SLC6A6: variants seen among roughly 807,000 people sequenced by gnomAD.
The protein encoded by SLC6A6 is solute carrier family 6 member 6.
A neutral mutation model predicts 68.8 loss-of-function variants in SLC6A6; 16 were observed. The ratio of observed to expected loss-of-function variants is 0.23; its 90% CI spans 0.16 to 0.35. The LOEUF (loss-of-function observed/expected upper bound fraction) is 0.35. Among genes scored for constraint, SLC6A6 ranks in the 10% least tolerant of loss-of-function variants. SLC6A6 has a pLI of 1.00. For synonymous variants in SLC6A6, 312 were observed against 315.4 expected, an observed-to-expected ratio of 0.99 and a Z score of 0.12; for missense variants, 474 against 802.8, an observed-to-expected ratio of 0.59 and a Z score of 4.95.
intron 2 of SLC6A6, among the ~76,000 whole-genome samples, chr3:14,433,674 G>C (rs2880211): frequency 2.5e-5 from 2 of 79,470 alleles, no homozygotes; most frequent in East Asian, 3.5e-4. Flanking sequence ...CGTGGTGGCA[G>C]GCACCTGTAA....
intron 5 of SLC6A6, among the ~76,000 whole-genome samples, chr3:14,452,342 G>A (rs772876992): frequency 2.0e-4 from 30 of 152,246 alleles, no homozygotes; most frequent in Non-Finnish European, 1.0e-4. Context: ...TGGCTTGAGT[G>A]TTTTGGAGCT....
chr3:14,404,792 G>A (rs1699068886), intron 1 of SLC6A6, among the ~76,000 whole-genome samples: 1 of 152,242 alleles, frequency 6.6e-6, no homozygotes, highest in Non-Finnish European at 1.5e-5. Context: ...ATTAGAGGGT[G>A]TCACGAGGTC....
At position 14,485,102 on chromosome 3, in the gene SLC6A6, G is replaced by T; in HGVS notation, c.*95G>T. ...TTTACAGAGCTTTATATTTGCACTA[G>T]GATTTTTTTTTTTTTGTAATTGTCA... On this transcript the variant is annotated 3_prime_UTR_variant, in exon 15 of 15. Transcript: ENST00000622186. The T allele has an allele frequency of 1.8e-6, 2 of 1,101,670 alleles. No individual in the cohort carries two copies. Among genetic ancestry groups the T allele is most frequent in the Non-Finnish European group, 2.5e-6 (2 of 804,996 alleles). 68.2% of individuals were successfully genotyped at this position (1,101,670 alleles called of 1,614,324 possible).
chr3:14,454,720 A>G (rs1700331987), intron 5 of SLC6A6, among the ~76,000 whole-genome samples: 1 of 152,220 alleles, frequency 6.6e-6, no homozygotes, highest in South Asian at 2.1e-4. Context: ...TGCACATTAA[A>G]AACATTGAAA....
intron 6 of SLC6A6, among the ~76,000 whole-genome samples, chr3:14,465,022 T>G (rs533260437): frequency 2.0e-5 from 3 of 152,358 alleles, no homozygotes; most frequent in Admixed American, 1.3e-4. Flanking sequence ...AAGCCTCAGT[T>G]TCTCCACTGT....
At chr3:14,414,499 A>G (rs1699321086) in intron 1 of SLC6A6, among the ~76,000 whole-genome samples, 1 of 151,984 alleles carries the variant, frequency 6.6e-6, no homozygotes, top group South Asian at 2.1e-4. Flanking sequence ...AGCAGGCTAG[A>G]CATATGGACT....
chr3:14,422,896 C>T (rs1169975760), intron 2 of SLC6A6, among the ~76,000 whole-genome samples: 2 of 152,174 alleles, frequency 1.3e-5, no homozygotes, highest in African/African-American at 4.8e-5. Context: ...GTCTCACAGC[C>T]CCTCAAGTCT....
chr3:14,429,716 C>T (rs920949530), intron 2 of SLC6A6, among the ~76,000 whole-genome samples: 2 of 152,156 alleles, frequency 1.3e-5, no homozygotes, highest in Non-Finnish European at 2.9e-5. Context: ...CTGCATGGGC[C>T]CAGGCATCTG....
intron 2 of SLC6A6, among the ~76,000 whole-genome samples, chr3:14,429,203 G>A (rs1699668297): frequency 6.6e-6 from 1 of 152,212 alleles, no homozygotes. Flanking sequence ...ATAAAGGCAT[G>A]TTGGCTCTGT....
In SLC6A6 at chr3:14,468,342, C is replaced by A. The variant is rs963213545; in HGVS notation, c.1096+130C>A. Reference sequence around the variant, plus strand: ...GCCTGGTTTCTAAAATGGACCCCCCCCCCGCCACCAAGATATCCCCCAAAT... The same window carrying A: ...GCCTGGTTTCTAAAATGGACCCCCCACCCGCCACCAAGATATCCCCCAAAT... On this transcript the variant is annotated intron_variant, in intron 9 of 14. Coordinates refer to ENST00000622186, the MANE Select transcript of SLC6A6 (RefSeq NM_003043.6). The surrounding 1 kb of genome is among the most constrained non-coding windows in gnomAD (Gnocchi z 4.5). 4 of 735,532 alleles carry A rather than the reference C, an allele frequency of 5.4e-6. No homozygotes were observed. The highest frequency in any genetic ancestry group is 8.4e-6 in the Non-Finnish European group (4 of 477,818). The allele number at this position is 735,532 out of a possible 1,614,324, so 45.6% of individuals were successfully genotyped here.
At chr3:14,435,482 A>T (rs538653018) in intron 2 of SLC6A6, among the ~76,000 whole-genome samples, 1 of 152,172 alleles carries the variant, frequency 6.6e-6, no homozygotes, top group South Asian at 2.1e-4. Context: ...GCATGCTGAA[A>T]CGATTTCCTC....
chr3:14,478,364 C>G (rs1285573798), intron 11 of SLC6A6, 102 bp from the exon 12 acceptor site: 6 of 719,106 alleles, frequency 8.3e-6, no homozygotes, highest in East Asian at 2.5e-5. Flanking sequence ...CCATTTTTCT[C>G]TTGGGTTTTT....
intron 1 of SLC6A6, among the ~76,000 whole-genome samples, chr3:14,408,946 A>G (rs1439322927): frequency 1.3e-5 from 2 of 152,072 alleles, no homozygotes; most frequent in East Asian, 1.9e-4. Context: ...AGCTGGGACT[A>G]CAGGCACCCG....
intron 6 of SLC6A6, among the ~76,000 whole-genome samples, chr3:14,459,846 G>C (rs1000084450): frequency 1.3e-5 from 2 of 150,526 alleles, no homozygotes; most frequent in African/African-American, 4.9e-5. Context: ...CTGGCACAAT[G>C]CTTGGCACAG....
chr3:14,474,195 C>A (rs1700819082), intron 10 of SLC6A6, among the ~76,000 whole-genome samples: 1 of 152,232 alleles, frequency 6.6e-6, no homozygotes. Context: ...ACAGGTGGGG[C>A]TTCCTCCTTT....
intron 1 of SLC6A6, chr3:14,411,444 AC>A (rs1559283099): frequency 1.3e-5 from 2 of 152,298 alleles, no homozygotes; most frequent in African/African-American, 4.8e-5. Flanking sequence ...GAGCCTCTTA[AC>A]AGTGCCTGGC....
At chr3:14,449,482 G>T (rs868422674) in intron 5 of SLC6A6, among the ~76,000 whole-genome samples, 1 of 152,148 alleles carries the variant, frequency 6.6e-6, no homozygotes, top group African/African-American at 2.4e-5. Context: ...CCTGAAAACC[G>T]GGCCTTCCCC....
intron 12 of SLC6A6, chr3:14,478,811 TC>T: frequency 1.7e-6 from 1 of 592,726 alleles, no homozygotes; most frequent in Non-Finnish European, 3.0e-6. Flanking sequence ...CCTGGAATAC[TC>T]CTTTTTTATC....
intron 2 of SLC6A6, among the ~76,000 whole-genome samples, chr3:14,425,879 C>A (rs143564822): frequency 5.3e-5 from 8 of 152,290 alleles, no homozygotes; most frequent in Middle Eastern, 3.4e-3. Flanking sequence ...AACATTTCTT[C>A]CCTAGCCTGC....
Sources: allele counts gnomAD v4.1 joint callset (sites outside exome capture counted in the v4.1 genomes callset), GRCh38; gene constraint gnomAD v4.1.1; non-coding constraint Gnocchi (gnomAD v3.1); transcripts MANE v1.5; gene names NCBI Gene and HGNC (gene_info 2026-07-23, HGNC 2026-07-21).